Variants in PPP4R2 observed in about 807,000 individuals in gnomAD.
PPP4R2 encodes the protein protein phosphatase 4 regulatory subunit 2.
Under a neutral mutation model 47.2 loss-of-function variants are expected in PPP4R2, and 13 were observed. That is an observed-to-expected ratio of 0.28 (90% confidence interval 0.18 to 0.44). PPP4R2 has a LOEUF of 0.44. PPP4R2 is among the 20% of genes least tolerant of loss of function. The pLI is 1.00. For synonymous variants in PPP4R2, 151 were observed against 163.3 expected, an observed-to-expected ratio of 0.92 and a Z score of 0.57; for missense variants, 421 against 491.2, an observed-to-expected ratio of 0.86 and a Z score of 1.35.
chr3:73,034,376 T>A (rs1702224659), intron 2 of PPP4R2, among the ~76,000 whole-genome samples: 1 of 152,192 alleles, frequency 6.6e-6, no homozygotes, highest in East Asian at 1.9e-4. Flanking sequence ...GCAGAACACT[T>A]GCTGACTATT....
intron 2 of PPP4R2, among the ~76,000 whole-genome samples, chr3:73,006,125 T>C (rs1254999211): frequency 2.0e-5 from 3 of 152,108 alleles, no homozygotes; most frequent in Non-Finnish European, 4.4e-5. Flanking sequence ...CTTTGGCTTC[T>C]TCTATTCAAC....
chr3:73,011,446 A>G (rs990826528), intron 2 of PPP4R2, among the ~76,000 whole-genome samples: 1 of 151,692 alleles, frequency 6.6e-6, no homozygotes, highest in Non-Finnish European at 1.5e-5. Flanking sequence ...GCACCACCAC[A>G]CTCCAGCTTG....
chr3:73,064,969 A>C lies in PPP4R2; in HGVS notation c.756A>C (p.Lys252Asn). The C allele has an allele frequency of 1.2e-6, 2 of 1,613,908 alleles. No homozygotes were observed. The highest frequency in any genetic ancestry group is 1.7e-6 in the Non-Finnish European group (2 of 1,179,828). The change falls in exon 8 of 9, where the codon AAA becomes AAC. Residue 252 changes from lysine (K) to asparagine (N), a missense_variant. Lys to Asn is a moderately conservative substitution (Grantham distance 94). Coordinates refer to ENST00000356692, the MANE Select transcript of PPP4R2 (RefSeq NM_174907.4). Reference sequence around the variant, plus strand: ...AGGTAAAAAGACTCAGGTTTGACAAAGAAGGTGAAGTCAGAGAAACAGCCA... The same window carrying C: ...AGGTAAAAAGACTCAGGTTTGACAACGAAGGTGAAGTCAGAGAAACAGCCA... ...GHEVKRLRFD[K>N]EGEVRETASQ...
intron 2 of PPP4R2, among the ~76,000 whole-genome samples, chr3:73,023,249 T>G (rs1701996346): frequency 6.6e-6 from 1 of 151,542 alleles, no homozygotes; most frequent in South Asian, 2.1e-4. Context: ...AATGGCGCGA[T>G]CTCAACCTCT....
At chr3:73,018,978 C>T (rs1449055446) in intron 2 of PPP4R2, among the ~76,000 whole-genome samples, 1 of 151,752 alleles carries the variant, frequency 6.6e-6, no homozygotes, top group Non-Finnish European at 1.5e-5. Context: ...TTATGTTACT[C>T]AGAATGTGTC....
In PPP4R2 at chr3:73,012,088, C is replaced by T. The variant is rs542138012; in HGVS notation, c.116+13930C>T. On this transcript the variant is annotated intron_variant, in intron 2 of 8. Transcript: ENST00000356692. Reference sequence around the variant, plus strand: ...ATGTGGGTGATTGGTTCCAGGACCTCCTTTGGACATAAAATCTGTGGATGC... The same window carrying T: ...ATGTGGGTGATTGGTTCCAGGACCTTCTTTGGACATAAAATCTGTGGATGC... 1.1e-4 allele frequency among the ~76,000 whole-genome samples: 16 copies of T among 152,234 alleles called. No individual in the cohort carries two copies. In the South Asian group the frequency reaches 3.3e-3, roughly 31 times the overall value.
intron 2 of PPP4R2, among the ~76,000 whole-genome samples, chr3:73,039,173 G>T (rs1320731092): frequency 6.6e-6 from 1 of 152,138 alleles, no homozygotes; most frequent in Non-Finnish European, 1.5e-5. Context: ...GCCCAGGCTG[G>T]AGTGCAGTGG....
At chr3:73,053,003 G>T (rs1702651883) in intron 3 of PPP4R2, among the ~76,000 whole-genome samples, 1 of 152,210 alleles carries the variant, frequency 6.6e-6, no homozygotes, top group African/African-American at 2.4e-5. Context: ...TTTGTGTGTT[G>T]TTTGCTTTAC....
chr3:73,053,083 C>T (rs1702653407), intron 3 of PPP4R2, among the ~76,000 whole-genome samples: 1 of 152,218 alleles, frequency 6.6e-6, no homozygotes. Context: ...TTCTCTGACA[C>T]TGTTGATTCA....
chr3:73,022,498 G>A lies in PPP4R2; in HGVS notation c.116+24340G>A, dbSNP rs115029536. ...ATGTGTGAAGTGCTTAGTTCATAAT[G>A]TGAGAGAGCTTGGTTAGATTAGATG... On this transcript the variant is annotated intron_variant, in intron 2 of 8. Coordinates refer to ENST00000356692, the MANE Select transcript of PPP4R2 (RefSeq NM_174907.4). Among the ~76,000 whole-genome samples the A allele has an allele frequency of 5.1e-3, 783 of 152,274 alleles. 7 individuals are homozygous for A. Among genetic ancestry groups the A allele is most frequent in the African/African-American group, 0.018 (754 of 41,554 alleles).
chr3:72,996,914 C>G lies in PPP4R2; in HGVS notation c.-124C>G, dbSNP rs1000251805. On this transcript the variant is annotated 5_prime_UTR_variant, in exon 1 of 9. Transcript: ENST00000356692. ...CCCGGCTCCCTTCGTTTCCCCCCCC[C>G]GGTCGCCTGCGTGCCGGAGTGTGTG... 19 of 602,508 alleles carry G rather than the reference C, an allele frequency of 3.2e-5. No individual in the cohort carries two copies. The South Asian group carries it at 3.9e-4, about 12-fold the overall frequency. The allele number at this position is 602,508 out of a possible 1,614,324, so 37.3% of individuals were successfully genotyped here.
In PPP4R2 at chr3:73,065,699, G is replaced by C. The variant is rs369142295; in HGVS notation, c.1231G>C (p.Asp411His). ...TGATGACGAAGCCACAGAAGTCACC[G>C]ATGAACCAATGGAACAAGACTAACT... Reference protein sequence around the residue: ...ENDDEATEVTDEPMEQD With the variant: ...ENDDEATEVTHEPMEQD Residue 411 changes from aspartate (D) to histidine (H), a missense_variant, in exon 9 of 9, where the codon GAT becomes CAT. This residue lies in a region of PPP4R2 where 317 missense variants were observed against 287.5 expected (regional missense o/e 1.10). Transcript: ENST00000356692. 1 of 1,605,800 alleles carries C rather than the reference G, an allele frequency of 6.2e-7. No homozygotes were observed. The highest frequency in any genetic ancestry group is 2.2e-5 in the East Asian group (1 of 44,608).
intron 2 of PPP4R2, among the ~76,000 whole-genome samples, chr3:73,001,248 T>C (rs2107196722): frequency 6.6e-6 from 1 of 152,274 alleles, no homozygotes; most frequent in East Asian, 1.9e-4. Context: ...TTTTTTTGTT[T>C]AGGTAAAATA....
In PPP4R2 at chr3:73,062,708, G is replaced by C. The variant is rs750864428; in HGVS notation, c.420-965G>C. ...TTTGCACCAGCAGTCTCCAAGTTCAGAGACGATTCAAGGCAATGATGGCAT... is the reference window on the plus strand; with the variant it reads ...TTTGCACCAGCAGTCTCCAAGTTCACAGACGATTCAAGGCAATGATGGCAT... On this transcript the variant is annotated intron_variant, in intron 5 of 8. Coordinates refer to ENST00000356692, the MANE Select transcript of PPP4R2 (RefSeq NM_174907.4). 1.9e-6 allele frequency: 3 copies of C among 1,614,018 alleles called. No individual in the cohort carries two copies. In the South Asian group the frequency reaches 3.3e-5, roughly 18 times the overall value.
At chr3:73,021,232 A>ATT (rs1553646774) in intron 2 of PPP4R2, among the ~76,000 whole-genome samples, 1 of 114,730 alleles carries the variant, frequency 8.7e-6, no homozygotes, top group Non-Finnish European at 1.9e-5. Context: ...ATTAAAAAAA[A>ATT]ATTTTTTTTT....
At chr3:73,055,484 G>A (rs900025345) in intron 3 of PPP4R2, among the ~76,000 whole-genome samples, 11 of 148,444 alleles carry the variant, frequency 7.4e-5, no homozygotes, top group African/African-American at 2.5e-4. Context: ...ATTTAGCAAA[G>A]GTGGATCCTT....
At chr3:73,006,592 T>C (rs1701614564) in intron 2 of PPP4R2, among the ~76,000 whole-genome samples, 1 of 152,210 alleles carries the variant, frequency 6.6e-6, no homozygotes, top group African/African-American at 2.4e-5. Flanking sequence ...TGTTCTCCAC[T>C]TCTGCTTTTT....
chr3:73,015,823 A>G (rs1490322242), intron 2 of PPP4R2: 2 of 442,304 alleles, frequency 4.5e-6, no homozygotes, highest in Non-Finnish European at 9.1e-6. Context: ...TGTGTTTAGT[A>G]GAGACGGGGT....
intron 8 of PPP4R2, 109 bp downstream of exon 8, chr3:73,065,250 T>C: frequency 1.5e-6 from 2 of 1,322,216 alleles, no homozygotes; most frequent in Non-Finnish European, 2.0e-6. Context: ...ATAATGCTGA[T>C]GTTGGGCTTT....
Sources: allele counts gnomAD v4.1 joint callset (sites outside exome capture counted in the v4.1 genomes callset), GRCh38; gene constraint gnomAD v4.1.1; regional missense constraint gnomAD v4.1.1; transcripts MANE v1.5; gene names NCBI Gene and HGNC (gene_info 2026-07-23, HGNC 2026-07-21).